The following RAB2A variants were observed in gnomAD, a reference collection of about 807,000 sequenced individuals.
The protein encoded by RAB2A is ras-related protein Rab-2A.
A neutral mutation model predicts 32.5 loss-of-function variants in RAB2A; 7 were observed. The observed-to-expected ratio is 0.22, with a 90% CI of 0.12 to 0.40. RAB2A has a LOEUF of 0.40. Ranked by LOEUF, RAB2A falls within the 10% of genes least tolerant of loss-of-function variation. The probability of loss-of-function intolerance (pLI) is 1.00; values close to 1 mark genes in which losing one functional copy is unlikely to be tolerated. For synonymous variants in RAB2A, 79 were observed against 85.2 expected, an observed-to-expected ratio of 0.93 and a Z score of 0.40; for missense variants, 108 against 260.7, an observed-to-expected ratio of 0.41 and a Z score of 4.03.
chr8:60,528,154 A>G (rs943627452), intron 1 of RAB2A, among the ~76,000 whole-genome samples: 3 of 152,204 alleles, frequency 2.0e-5, no homozygotes, highest in African/African-American at 4.8e-5. Flanking sequence ...TTAAATAGGT[A>G]GGACCTCCAT....
intron 6 of RAB2A, among the ~76,000 whole-genome samples, chr8:60,592,696 A>G (rs376779021): frequency 3.3e-5 from 5 of 152,250 alleles, no homozygotes; most frequent in African/African-American, 1.2e-4. Flanking sequence ...TTTTCTGAAC[A>G]CAGTGTATTC....
At chr8:60,550,311 C>A (rs1209244587) in intron 1 of RAB2A, among the ~76,000 whole-genome samples, 1 of 152,100 alleles carries the variant, frequency 6.6e-6, no homozygotes, top group East Asian at 1.9e-4. Flanking sequence ...TGAACTACCC[C>A]CAATGCAACC....
intron 6 of RAB2A, among the ~76,000 whole-genome samples, chr8:60,618,354 ATGCTTTTTCTATG>A (rs2150439780): frequency 6.6e-6 from 1 of 152,282 alleles, no homozygotes; most frequent in South Asian, 2.1e-4. Flanking sequence ...ATTTTGTCAA[ATGCTTTTTCTATG>A]TCTATTGATG....
chr8:60,613,297 G>A (rs984457327), intron 6 of RAB2A, among the ~76,000 whole-genome samples: 4 of 152,110 alleles, frequency 2.6e-5, no homozygotes, highest in Non-Finnish European at 4.4e-5. Context: ...ATGTGTCTTT[G>A]CATCCAGACG....
At chr8:60,528,312 T>C (rs1428798346) in intron 1 of RAB2A, among the ~76,000 whole-genome samples, 3 of 152,266 alleles carry the variant, frequency 2.0e-5, no homozygotes, top group African/African-American at 7.2e-5. Flanking sequence ...ATAAATGATA[T>C]CATATGTGTA....
At chr8:60,590,450 C>G (rs1208089268) in intron 5 of RAB2A, among the ~76,000 whole-genome samples, 2 of 147,220 alleles carry the variant, frequency 1.4e-5, no homozygotes, top group Non-Finnish European at 3.0e-5. Context: ...CCAGCGTGAG[C>G]AACATAGTGA....
intron 1 of RAB2A, among the ~76,000 whole-genome samples, chr8:60,525,677 GT>G (rs1807366650): frequency 6.6e-6 from 1 of 152,020 alleles, no homozygotes. Flanking sequence ...GAGTCACTGT[GT>G]TTTTAGCCAA....
intron 3 of RAB2A, among the ~76,000 whole-genome samples, chr8:60,582,107 A>G (rs1586096128): frequency 6.6e-6 from 1 of 151,712 alleles, no homozygotes; most frequent in Non-Finnish European, 1.5e-5. Context: ...CACAACACCC[A>G]GCTAATTTTT....
chr8:60,588,010 T>C (rs1803877213), intron 5 of RAB2A, among the ~76,000 whole-genome samples: 1 of 152,182 alleles, frequency 6.6e-6, no homozygotes, highest in African/African-American at 2.4e-5. Flanking sequence ...GGAAAACAAT[T>C]TGGTAGTTTC....
chr8:60,548,821 A>T (rs1443405813), intron 1 of RAB2A, among the ~76,000 whole-genome samples: 1 of 138,396 alleles, frequency 7.2e-6, no homozygotes, highest in East Asian at 2.2e-4. Context: ...CGGGGGGCTG[A>T]CCCCCCCACC....
At chr8:60,520,340 A>C (rs1807282441) in intron 1 of RAB2A, among the ~76,000 whole-genome samples, 1 of 152,214 alleles carries the variant, frequency 6.6e-6, no homozygotes, top group Admixed American at 6.5e-5. Context: ...ATTTAGTAAA[A>C]TGTGTCATTT....
rs1803812241 is a variant in RAB2A, at chr8:60,584,193, T to C, written c.187-15T>C. 1.9e-6 allele frequency: 3 copies of C among 1,573,948 alleles called. No individual in the cohort carries two copies. The highest frequency in any genetic ancestry group is 2.6e-6 in the Non-Finnish European group (3 of 1,143,690). On this transcript the variant is annotated splice_polypyrimidine_tract_variant and intron_variant, in intron 3 of 7. Transcript: ENST00000262646. Reference sequence around the variant, plus strand: ...TGTATTAAAGGAAACTCTCCAACCTTTTTTTTCGTTACAGGCAGGGCAAGA... The same window carrying C: ...TGTATTAAAGGAAACTCTCCAACCTCTTTTTTCGTTACAGGCAGGGCAAGA...
rs76397337 is a variant in RAB2A, at chr8:60,595,141, A to C, written c.474+3172A>C. Among the ~76,000 whole-genome samples the C allele has an allele frequency of 5.4e-3, 821 of 152,342 alleles. 7 individuals carry two copies. The highest frequency in any genetic ancestry group is 0.019 in the African/African-American group (776 of 41,578). ...TTTCTAATAGAAGTGAAATGATTGA[A>C]GAAAGAATCTTAGAACACCATAAAG... On this transcript the variant is annotated intron_variant, in intron 6 of 7. Coordinates refer to ENST00000262646, the MANE Select transcript of RAB2A (RefSeq NM_002865.3).
rs147724947 is a variant in RAB2A at position 60,540,002 on chromosome 8, A to G, written c.47-18850A>G. Among the ~76,000 whole-genome samples the G allele has an allele frequency of 1.3e-3, 190 of 151,948 alleles. 1 individual carries two copies. The highest frequency in any genetic ancestry group is 4.4e-3 in the African/African-American group (183 of 41,418). ...GTGGACCTAGGGAGGTACATGTGAC[A>G]GGTTAAGGTAGAGTTTGAACTCTAT... is the stretch of plus-strand genomic sequence containing the variant. On this transcript the variant is annotated intron_variant, in intron 1 of 7. Transcript: ENST00000262646.
intron 1 of RAB2A, among the ~76,000 whole-genome samples, chr8:60,545,224 G>GA (rs34443874): frequency 0.53 from 80,574 of 151,620 alleles, 24,222 homozygotes; most frequent in African/African-American, 0.83. Context: ...GCCTTAAAAT[G>GA]CAAGAGGACT....
intron 6 of RAB2A, among the ~76,000 whole-genome samples, chr8:60,612,997 A>C (rs1804380591): frequency 6.6e-6 from 1 of 152,212 alleles, no homozygotes; most frequent in South Asian, 2.1e-4. Flanking sequence ...GAATCACAGA[A>C]TTTGAAGAAG....
intron 1 of RAB2A, among the ~76,000 whole-genome samples, chr8:60,540,693 G>T (rs537124793): frequency 7.9e-5 from 12 of 152,184 alleles, no homozygotes; most frequent in African/African-American, 2.9e-4. Context: ...TGTTGGCCAG[G>T]CTGGCCTGGA....
At chr8:60,529,112 T>G (rs1807437494) in intron 1 of RAB2A, among the ~76,000 whole-genome samples, 1 of 152,164 alleles carries the variant, frequency 6.6e-6, no homozygotes, top group South Asian at 2.1e-4. Context: ...TGTCTTTTTC[T>G]TCTTTTTTAA....
chr8:60,575,115 T>TGTTC (rs1808252715), intron 3 of RAB2A, among the ~76,000 whole-genome samples: 110 of 145,886 alleles, frequency 7.5e-4, no homozygotes, highest in East Asian at 2.0e-3. Flanking sequence ...TTTTTTGGTT[T>TGTTC]TGAGACAGCG....
Sources: allele counts gnomAD v4.1 joint callset (sites outside exome capture counted in the v4.1 genomes callset), GRCh38; gene constraint gnomAD v4.1.1; transcripts MANE v1.5; gene names NCBI Gene and HGNC (gene_info 2026-07-23, HGNC 2026-07-21).